Variants in RBMS3 observed in about 807,000 individuals in gnomAD.
RBMS3 encodes RNA-binding motif, single-stranded-interacting protein 3.
In RBMS3, 27 loss-of-function variants were observed where a neutral mutation model predicts 66.8. That is an observed-to-expected ratio of 0.40 (90% CI 0.30 to 0.56). The LOEUF (loss-of-function observed/expected upper bound fraction) is 0.56. Ranked by LOEUF, RBMS3 falls within the 20% of genes least tolerant of loss-of-function variation. The pLI is 0.40. For synonymous variants in RBMS3, 188 were observed against 183.0 expected, an observed-to-expected ratio of 1.03 and a Z score of -0.22; for missense variants, 513 against 549.5, an observed-to-expected ratio of 0.93 and a Z score of 0.66.
rs187420482 is a variant in RBMS3, at chr3:29,428,698, T to G, written c.76-6045T>G. ...TTTCAAACTTGAAAAATGAGGTATATGAACAAAGCACACTAAATGAATCAG... is the reference window on the plus strand; with the variant it reads ...TTTCAAACTTGAAAAATGAGGTATAGGAACAAAGCACACTAAATGAATCAG... On this transcript the variant is annotated intron_variant, in intron 1 of 14. Coordinates refer to ENST00000383767, the MANE Select transcript of RBMS3 (RefSeq NM_001003793.3). Among the ~76,000 whole-genome samples the G allele has an allele frequency of 4.7e-3, 718 of 152,256 alleles. 3 individuals carry two copies. Among genetic ancestry groups the G allele is most frequent in the Admixed American group, 9.7e-3 (148 of 15,308 alleles).
chr3:29,360,997 A>T (rs1402967666), intron 1 of RBMS3, among the ~76,000 whole-genome samples: 2 of 151,842 alleles, frequency 1.3e-5, no homozygotes, highest in Non-Finnish European at 2.9e-5. Flanking sequence ...TTGACTCTTT[A>T]TCCAGGTTGA....
chr3:29,541,262 G>A (rs1012826837), intron 3 of RBMS3, among the ~76,000 whole-genome samples: 1 of 150,258 alleles, frequency 6.7e-6, no homozygotes, highest in Non-Finnish European at 1.5e-5. Flanking sequence ...CAACTGTCCA[G>A]TTAGCAATTC....
At chr3:29,346,203 C>T (rs931534175) in intron 1 of RBMS3, among the ~76,000 whole-genome samples, 24 of 152,200 alleles carry the variant, frequency 1.6e-4, no homozygotes, top group Middle Eastern at 3.4e-3. Flanking sequence ...AGAGAGAATA[C>T]AAGTACCCCA....
intron 4 of RBMS3, among the ~76,000 whole-genome samples, chr3:29,647,184 G>A (rs1355492668): frequency 2.0e-5 from 3 of 152,084 alleles, no homozygotes; most frequent in Non-Finnish European, 2.9e-5. Context: ...TCACCAAGTT[G>A]GCCAGGCTGG....
At chr3:29,724,367 G>A (rs1028699930) in intron 4 of RBMS3, among the ~76,000 whole-genome samples, 1 of 152,046 alleles carries the variant, frequency 6.6e-6, no homozygotes, top group Non-Finnish European at 1.5e-5. Context: ...ATGATTTACT[G>A]AGCTTCTGTA....
At chr3:29,808,130 C>G (rs996773168) in intron 6 of RBMS3, among the ~76,000 whole-genome samples, 2 of 151,876 alleles carry the variant, frequency 1.3e-5, no homozygotes, top group Non-Finnish European at 2.9e-5. Flanking sequence ...ATTCAGTTAT[C>G]ACCATGCTTC....
rs78194168 is a variant in RBMS3, at chr3:29,833,120, G to T, written c.638-35738G>T. Among the ~76,000 whole-genome samples the T allele has an allele frequency of 1.1e-3, 167 of 152,266 alleles. 1 individual carries two copies. In the East Asian group the frequency reaches 0.027, roughly 25 times the overall value. ...AGTGGCATGGAGCAGATGTATCCAT[G>T]GAAAATGTCTAAGAGTACTAGCTGA... On this transcript the variant is annotated intron_variant, in intron 6 of 14. Transcript: ENST00000383767.
intron 12 of RBMS3, among the ~76,000 whole-genome samples, chr3:29,979,722 T>C (rs1356801142): frequency 1.3e-5 from 2 of 152,218 alleles, no homozygotes; most frequent in African/African-American, 4.8e-5. Context: ...TTGCTGAGAA[T>C]GATGGTTTCC....
intron 4 of RBMS3, among the ~76,000 whole-genome samples, chr3:29,628,426 A>G (rs940224372): frequency 6.6e-5 from 10 of 152,060 alleles, no homozygotes; most frequent in Non-Finnish European, 1.2e-4. Flanking sequence ...CTTCAGTGGG[A>G]GTAAACTTCA....
At chr3:29,292,249 T>C (rs2032879461) in intron 1 of RBMS3, among the ~76,000 whole-genome samples, 1 of 151,662 alleles carries the variant, frequency 6.6e-6, no homozygotes, top group Non-Finnish European at 1.5e-5. Context: ...ACCTTAACGA[T>C]TATTTTAATG....
intron 8 of RBMS3, among the ~76,000 whole-genome samples, chr3:29,896,432 A>G (rs1019703987): frequency 6.6e-6 from 1 of 151,402 alleles, no homozygotes; most frequent in Non-Finnish European, 1.5e-5. Context: ...GAATTATACC[A>G]TTATTTCTCA....
At chr3:29,971,590 CT>C (rs1484469041) in intron 12 of RBMS3, among the ~76,000 whole-genome samples, 3 of 151,850 alleles carry the variant, frequency 2.0e-5, no homozygotes, top group African/African-American at 7.3e-5. Context: ...TTATGTTCTC[CT>C]TGAAAACCTT....
At chr3:29,325,073 T>G (rs928047451) in intron 1 of RBMS3, among the ~76,000 whole-genome samples, 1 of 152,182 alleles carries the variant, frequency 6.6e-6, no homozygotes, top group African/African-American at 2.4e-5. Context: ...GGGGACAAAT[T>G]GAATAAACTA....
At chr3:29,365,314 GGA>G in intron 1 of RBMS3, among the ~76,000 whole-genome samples, 1 of 93,742 alleles carries the variant, frequency 1.1e-5, no homozygotes, top group Non-Finnish European at 2.8e-5. Flanking sequence ...AAGCAAATTA[GGA>G]GATATATATA....
intron 1 of RBMS3, among the ~76,000 whole-genome samples, chr3:29,291,396 C>A (rs1210475308): frequency 6.6e-6 from 1 of 151,896 alleles, no homozygotes; most frequent in Non-Finnish European, 1.5e-5. Context: ...CATTAACATT[C>A]TTTGGCTAAA....
intron 3 of RBMS3, among the ~76,000 whole-genome samples, chr3:29,489,445 A>G (rs1292810261): frequency 6.6e-6 from 1 of 152,086 alleles, no homozygotes; most frequent in East Asian, 1.9e-4. Context: ...AAAGAATAAT[A>G]TGACATGATT....
intron 1 of RBMS3, among the ~76,000 whole-genome samples, chr3:29,325,488 A>C (rs12493710): frequency 6.6e-6 from 1 of 151,662 alleles, no homozygotes; most frequent in Non-Finnish European, 1.5e-5. Flanking sequence ...AAAGAAAACT[A>C]TCCCATTAAA....
chr3:29,704,526 C>T (rs1576572446), intron 4 of RBMS3, among the ~76,000 whole-genome samples: 1 of 152,280 alleles, frequency 6.6e-6, no homozygotes, highest in South Asian at 2.1e-4. Context: ...CACTTAACCT[C>T]TCAAAGTCGC....
intron 2 of RBMS3, among the ~76,000 whole-genome samples, chr3:29,443,263 G>C (rs963811446): frequency 7.2e-5 from 11 of 152,022 alleles, no homozygotes; most frequent in Admixed American, 6.6e-5. Context: ...ATACCCAATA[G>C]CTCGTCTGCT....
Sources: gnomAD v4.1 joint callset for allele counts (sites outside exome capture counted in the v4.1 genomes callset) on GRCh38, gnomAD v4.1.1 for gene constraint, MANE v1.5 for transcripts, NCBI Gene and HGNC (gene_info 2026-07-23, HGNC 2026-07-21) for gene names.